NKD1: variants seen among roughly 807,000 people sequenced by gnomAD.
NKD1 encodes the protein NKD inhibitor of Wnt signaling pathway 1, also known as protein naked cuticle homolog 1.
Under a neutral mutation model 56.0 loss-of-function variants are expected in NKD1, and 21 were observed. The observed-to-expected ratio is 0.38, with a 90% CI of 0.27 to 0.54. The LOEUF (loss-of-function observed/expected upper bound fraction) is 0.54, where lower values mean the gene tolerates loss of function less well. NKD1 is among the 20% of genes least tolerant of loss of function. The probability of loss-of-function intolerance (pLI) is 0.82; values close to 1 mark genes in which losing one functional copy is unlikely to be tolerated. For missense variants in NKD1, 578 were observed against 642.7 expected (o/e 0.90, Z 1.09); for synonymous variants, 263 against 265.7 (o/e 0.99, Z 0.10).
chr16:50,570,128 G>A (rs1960850022), intron 3 of NKD1, among the ~76,000 whole-genome samples: 1 of 152,160 alleles, frequency 6.6e-6, no homozygotes, highest in Non-Finnish European at 1.5e-5. Context: ...ATTTTGAAAT[G>A]TCGGTATTTT....
Position 50,612,584 on chromosome 16 carries a change from G to A in NKD1, c.259+4224G>A, listed in dbSNP as rs1029580551. 8.5e-5 allele frequency among the ~76,000 whole-genome samples: 13 copies of A among 152,324 alleles called. No individual in the cohort carries two copies. In the South Asian group the frequency reaches 1.0e-3, roughly 12 times the overall value. On this transcript the variant is annotated intron_variant, in intron 4 of 9. Coordinates refer to ENST00000268459, the MANE Select transcript of NKD1 (RefSeq NM_033119.5). ...TCTAGTAGTGGTTCTCTGCTAAGAC[G>A]TAAAACCCAGGGAGAGGTAGAGTGA...
chr16:50,574,177 C>T (rs1375539397), intron 3 of NKD1: 8 of 977,652 alleles, frequency 8.2e-6, no homozygotes, highest in Non-Finnish European at 9.7e-6. Context: ...TGCCTATGTT[C>T]ATTCTACCTC....
In NKD1 at chr16:50,639,506, A is replaced by G. The variant is rs1421341779; in HGVS notation, c.*5725A>G. ...TGGCCCTGCCTTGAGGAGGATGTGC[A>G]TTAACGTGGTAGGGGAGACAGAGAC... On this transcript the variant is annotated 3_prime_UTR_variant, in exon 10 of 10. Transcript: ENST00000268459. 6.6e-6 allele frequency: 1 copy of G among 152,238 alleles called. No individual in the cohort carries two copies. Among genetic ancestry groups the G allele is most frequent in the African/African-American group, 2.4e-5 (1 of 41,452 alleles). The allele number at this position is 152,238 out of a possible 1,614,324, so 9.4% of individuals were successfully genotyped here. A position where few individuals can be genotyped will look rare whatever the true frequency, so the allele number is the denominator to read the frequency against.
At chr16:50,616,221 C>G (rs1327847063) in intron 4 of NKD1, 1 of 363,110 alleles carries the variant, frequency 2.8e-6, no homozygotes, top group Non-Finnish European at 5.8e-6. Context: ...ACATTGTATT[C>G]ACTGAGAAGA....
At chr16:50,631,151 A>G (rs1962335939) in intron 8 of NKD1, among the ~76,000 whole-genome samples, 1 of 152,226 alleles carries the variant, frequency 6.6e-6, no homozygotes, top group African/African-American at 2.4e-5. Flanking sequence ...GGCTTTGGAA[A>G]GGTGCTCTCA....
intron 3 of NKD1, among the ~76,000 whole-genome samples, chr16:50,560,843 T>TATCTATCTATC (rs1345371464): frequency 6.6e-6 from 1 of 151,924 alleles, no homozygotes; most frequent in Non-Finnish European, 1.5e-5. Flanking sequence ...TCTATCTATC[T>TATCTATCTATC]ATCTATCTAT....
At chr16:50,566,723 C>T (rs764526291) in intron 3 of NKD1, among the ~76,000 whole-genome samples, 1 of 152,212 alleles carries the variant, frequency 6.6e-6, no homozygotes, top group Non-Finnish European at 1.5e-5. Context: ...GGTAGCTGAC[C>T]ATTGACCCAC....
chr16:50,573,711 C>T (rs1005678923), intron 3 of NKD1: 1 of 625,938 alleles, frequency 1.6e-6, no homozygotes, highest in African/African-American at 2.0e-5. Context: ...TATCTGGCAG[C>T]TGCTCCTAAA....
In NKD1 at chr16:50,608,561, C is replaced by G. The variant is rs74017745; in HGVS notation, c.259+201C>G. 1,332 of 601,506 alleles carry G rather than the reference C, an allele frequency of 2.2e-3. 8 individuals are homozygous for G. Among genetic ancestry groups the G allele is most frequent in the African/African-American group, 0.022 (1,194 of 54,704 alleles). 37.3% of individuals were successfully genotyped at this position (601,506 alleles called of 1,614,324 possible). Reference sequence around the variant, plus strand: ...GGTGTGGTACTTCATAGGTCCAAGCCCAGGTGGGGGTCCGGTCACCTAGGT... The same window carrying G: ...GGTGTGGTACTTCATAGGTCCAAGCGCAGGTGGGGGTCCGGTCACCTAGGT... On this transcript the variant is annotated intron_variant, in intron 4 of 9. Transcript: ENST00000268459.
rs1031437385 is a variant in NKD1, at chr16:50,639,135, CT to C, written c.*5355del. On this transcript the variant is annotated 3_prime_UTR_variant, in exon 10 of 10. Transcript: ENST00000268459. ...CCTCTGATGATGCTGAGTGGTGGGT[CT>C]GGGGTGTGGCCCAGGCATCATGATG... 5 of 152,262 alleles carry C rather than the reference CT, an allele frequency of 3.3e-5. No individual in the cohort carries two copies. Among genetic ancestry groups the C allele is most frequent in the Admixed American group, 2.6e-4 (4 of 15,298 alleles). The allele number at this position is 152,262 out of a possible 1,614,324, so 9.4% of individuals were successfully genotyped here.
At chr16:50,566,207 A>T in intron 3 of NKD1, 1 of 984,926 alleles carries the variant, frequency 1.0e-6, no homozygotes. Context: ...TGTTTCATAC[A>T]GTCAAGTTCT....
chr16:50,621,959 G>A (rs961074620), intron 5 of NKD1, among the ~76,000 whole-genome samples: 4 of 152,246 alleles, frequency 2.6e-5, no homozygotes, highest in African/African-American at 9.6e-5. Flanking sequence ...CCAGCAGCTT[G>A]GGAGAGGGCA....
chr16:50,596,374 AT>A (rs5816706), intron 3 of NKD1, among the ~76,000 whole-genome samples: 21,836 of 149,194 alleles, frequency 0.15, 3,464 homozygotes, highest in African/African-American at 0.4. Context: ...ATGTTTTAGC[AT>A]TTTTTTTTTC....
intron 3 of NKD1, chr16:50,572,947 A>C (rs1235894993): frequency 3.3e-6 from 3 of 898,430 alleles, no homozygotes; most frequent in Non-Finnish European, 1.3e-6. Context: ...CTGGAATCAG[A>C]TGAGTTTGAG....
chr16:50,551,384 G>A (rs1265964741), intron 3 of NKD1, among the ~76,000 whole-genome samples: 1 of 152,230 alleles, frequency 6.6e-6, no homozygotes, highest in African/African-American at 2.4e-5. Context: ...GAAATGCTGA[G>A]AGGTCATTAA....
intron 4 of NKD1, 67 bp from the exon 5 acceptor site, chr16:50,621,535 G>A (rs571870583): frequency 9.0e-7 from 1 of 1,110,492 alleles, no homozygotes; most frequent in Admixed American, 1.9e-5. Flanking sequence ...GGACAAAGGT[G>A]CAGTGAGCAT....
At chr16:50,587,975 C>T (rs1961266380) in intron 3 of NKD1, among the ~76,000 whole-genome samples, 4 of 152,212 alleles carry the variant, frequency 2.6e-5, no homozygotes, top group Admixed American at 2.6e-4. Flanking sequence ...CCCTTTGCCC[C>T]CATCCATGGA....
rs774184229 is a variant in NKD1 at position 50,639,246 on chromosome 16, G to T, written c.*5465G>T. ...TCCCCCAAATGACCTCAGAGGGCCC[G>T]ATTTGAGGGAAATGCCTAACTTCAG... is the stretch of plus-strand genomic sequence containing the variant. On this transcript the variant is annotated 3_prime_UTR_variant, in exon 10 of 10. Coordinates refer to ENST00000268459, the MANE Select transcript of NKD1 (RefSeq NM_033119.5). The T allele has an allele frequency of 5.9e-5, 9 of 152,058 alleles. No individual in the cohort carries two copies. Among genetic ancestry groups the T allele is most frequent in the Non-Finnish European group, 1.2e-4 (8 of 68,016 alleles). The allele number at this position is 152,058 out of a possible 1,614,324, so 9.4% of individuals were successfully genotyped here. A position where few individuals can be genotyped will look rare whatever the true frequency, so the allele number is the denominator to read the frequency against.
intron 3 of NKD1, among the ~76,000 whole-genome samples, chr16:50,565,097 T>C (rs1458261534): frequency 9.9e-5 from 15 of 152,160 alleles, no homozygotes; most frequent in African/African-American, 3.1e-4. Context: ...ATATAGAGGC[T>C]GGGTGTGGTG....
Sources: gnomAD v4.1 joint callset for allele counts (sites outside exome capture counted in the v4.1 genomes callset) on GRCh38, gnomAD v4.1.1 for gene constraint, MANE v1.5 for transcripts, NCBI Gene and HGNC (gene_info 2026-07-23, HGNC 2026-07-21) for gene names.